TEX9: variants seen among roughly 807,000 people sequenced by gnomAD.
TEX9 encodes testis-expressed protein 9.
In TEX9, 74 loss-of-function variants were observed where a neutral mutation model predicts 59.6. That is an observed-to-expected ratio of 1.24 (90% CI 1.03 to 1.51). The LOEUF (loss-of-function observed/expected upper bound fraction) is 1.51, where lower values mean the gene tolerates loss of function less well. Ranked by LOEUF, TEX9 falls within the 40% of genes most tolerant of loss-of-function variation. The pLI, the probability that TEX9 is intolerant of heterozygous loss-of-function variation, is 0.00. For synonymous variants in TEX9, 186 were observed against 152.2 expected, an observed-to-expected ratio of 1.22 and a Z score of -1.64; for missense variants, 522 against 447.8, an observed-to-expected ratio of 1.17 and a Z score of -1.49.
intron 10 of TEX9, among the ~76,000 whole-genome samples, chr15:56,417,715 T>G (rs1255283824): frequency 2.0e-5 from 3 of 151,890 alleles, no homozygotes; most frequent in African/African-American, 7.3e-5. Flanking sequence ...TTTGGTCCAG[T>G]GCTGAGTTTA....
At position 56,248,489 on chromosome 15, in the gene TEX9, G is replaced by A. The variant is rs2043921497; in HGVS notation, c.-107+4211G>A. 2.0e-5 allele frequency among the ~76,000 whole-genome samples: 3 copies of A among 152,128 alleles called. No homozygotes were observed. In the South Asian group the frequency reaches 6.2e-4, roughly 32 times the overall value. ...TCAAGTACCTTTGCTTATCTCTAAG[G>A]ATTAGTGGGATAAAGTTCACATAAT... On this transcript the variant is annotated intron_variant, in intron 1 of 5. Transcript: ENST00000560827.
At chr15:56,296,538 C>CT (rs2045223026) in intron 1 of TEX9, among the ~76,000 whole-genome samples, 1 of 152,174 alleles carries the variant, frequency 6.6e-6, no homozygotes, top group African/African-American at 2.4e-5. Flanking sequence ...TGTCTGTACT[C>CT]TATCTCTTTC....
At chr15:56,394,114 G>A (rs756867405) in intron 7 of TEX9, 51 bp from the exon 8 acceptor site, 11 of 1,509,276 alleles carry the variant, frequency 7.3e-6, no homozygotes, top group Non-Finnish European at 7.3e-6. Flanking sequence ...TACAATTGAT[G>A]TCATCTTAGA....
chr15:56,424,994 T>C (rs2050172628), intron 10 of TEX9, among the ~76,000 whole-genome samples: 1 of 152,176 alleles, frequency 6.6e-6, no homozygotes, highest in South Asian at 2.1e-4. Flanking sequence ...CTTTTTCATT[T>C]TTGAAGGACA....
intron 1 of TEX9, among the ~76,000 whole-genome samples, chr15:56,266,150 A>G (rs1363461497): frequency 1.3e-5 from 2 of 151,224 alleles, no homozygotes; most frequent in African/African-American, 4.9e-5. Flanking sequence ...TTTTTGAGAC[A>G]GAGTCTCACT....
intron 1 of TEX9, among the ~76,000 whole-genome samples, chr15:56,251,907 A>C (rs1359282181): frequency 6.6e-6 from 1 of 152,110 alleles, no homozygotes; most frequent in Non-Finnish European, 1.5e-5. Context: ...GGGAGTGAAA[A>C]GTTTGTTTAG....
chr15:56,412,179 T>C, intron 9 of TEX9, 123 bp from the exon 10 acceptor site: 1 of 821,806 alleles, frequency 1.2e-6, no homozygotes, highest in Non-Finnish European at 1.8e-6. Flanking sequence ...CAAGCGTGTG[T>C]GTGTGTGTGT....
Position 56,434,161 on chromosome 15 carries a change from G to A in TEX9, c.*29+5688G>A, listed in dbSNP as rs146543232. The stretch of plus-strand genomic sequence containing the variant: ...ACTTTGTCTGCAAGGAATTGTTGGC[G>A]ACGCTCTTCAATAAGTTTTTCCACA... On this transcript the variant is annotated intron_variant, in intron 12 of 12. Transcript: ENST00000352903. 3.8e-5 allele frequency: 62 copies of A among 1,612,892 alleles called. No individual in the cohort carries two copies. The highest frequency in any genetic ancestry group is 8.0e-5 in the African/African-American group (6 of 74,812).
chr15:56,427,545 T>C (rs1463010969), intron 10 of TEX9, 60 bp from the exon 11 acceptor site: 2 of 1,196,610 alleles, frequency 1.7e-6, no homozygotes, highest in African/African-American at 3.3e-5. Flanking sequence ...TGATAGTCTA[T>C]AATTCTTTCC....
At chr15:56,335,382 G>C (rs1487925539) in intron 1 of TEX9, among the ~76,000 whole-genome samples, 1 of 152,138 alleles carries the variant, frequency 6.6e-6, no homozygotes, top group East Asian at 1.9e-4. Context: ...ATTATATTAA[G>C]TGAAATAAGC....
chr15:56,431,528 C>T (rs1386106516), intron 12 of TEX9: 1 of 1,611,792 alleles, frequency 6.2e-7, no homozygotes, highest in Admixed American at 1.7e-5. Context: ...TTTGTTATCA[C>T]AAAGTACATT....
At chr15:56,430,913 C>G (rs765962146) in intron 12 of TEX9, among the ~76,000 whole-genome samples, 34 of 152,178 alleles carry the variant, frequency 2.2e-4, no homozygotes, top group Non-Finnish European at 3.4e-4. Flanking sequence ...GCCCACCCAG[C>G]ACTTGGGGAG....
In TEX9 at chr15:56,412,452, A is replaced by G; in HGVS notation, c.963+16A>G. 1 of 1,602,224 alleles carries G rather than the reference A, an allele frequency of 6.2e-7. No homozygotes were observed. The highest frequency in any genetic ancestry group is 8.5e-7 in the Non-Finnish European group (1 of 1,176,946). On this transcript the variant is annotated intron_variant, in intron 10 of 12. Transcript: ENST00000352903. Reference sequence around the variant, plus strand: ...AAATAACAAGGTATGGAAAAATTGAATAGCTTTTGTAGTGATCCCTTTTGG... The same window carrying G: ...AAATAACAAGGTATGGAAAAATTGAGTAGCTTTTGTAGTGATCCCTTTTGG...
intron 9 of TEX9, among the ~76,000 whole-genome samples, chr15:56,411,518 A>G (rs1400962677): frequency 2.0e-5 from 3 of 152,182 alleles, no homozygotes; most frequent in East Asian, 3.9e-4. Context: ...GGTGCTAGCT[A>G]TGTGAAAATG....
chr15:56,249,883 A>T (rs1426336540), intron 1 of TEX9, among the ~76,000 whole-genome samples: 1 of 151,974 alleles, frequency 6.6e-6, no homozygotes, highest in Admixed American at 6.6e-5. Context: ...CCCCAGGGAG[A>T]TACTCTAACC....
intron 1 of TEX9, among the ~76,000 whole-genome samples, chr15:56,307,265 T>C (rs2045505318): frequency 6.6e-6 from 1 of 152,174 alleles, no homozygotes; most frequent in Non-Finnish European, 1.5e-5. Context: ...TCCTCTACCC[T>C]TTCCCCAAGC....
chr15:56,288,422 G>C (rs984348257), intron 1 of TEX9, among the ~76,000 whole-genome samples: 11 of 151,946 alleles, frequency 7.2e-5, no homozygotes, highest in African/African-American at 2.7e-4. Context: ...TAGAAGACAG[G>C]TCTAGGGGTG....
chr15:56,320,644 C>T (rs1164998346), intron 1 of TEX9, among the ~76,000 whole-genome samples: 4 of 152,142 alleles, frequency 2.6e-5, no homozygotes, highest in Admixed American at 2.6e-4. Context: ...TTACCTATTC[C>T]CTCCAGAGCT....
At chr15:56,296,286 G>A (rs1268952492) in intron 1 of TEX9, among the ~76,000 whole-genome samples, 3 of 151,970 alleles carry the variant, frequency 2.0e-5, no homozygotes, top group Non-Finnish European at 4.4e-5. Flanking sequence ...ACCTAATTCT[G>A]TGACATTCAT....
Sources: gnomAD v4.1 joint callset for allele counts (sites outside exome capture counted in the v4.1 genomes callset) on GRCh38, gnomAD v4.1.1 for gene constraint, MANE v1.5 for transcripts, NCBI Gene and HGNC (gene_info 2026-07-23, HGNC 2026-07-21) for gene names.